METTL15: variants seen among roughly 807,000 people sequenced by gnomAD.
METTL15 encodes methyltransferase 15, mitochondrial 12S rRNA N4-cytidine.
In METTL15, 34 loss-of-function variants were observed where a neutral mutation model predicts 38.3. The ratio of observed to expected loss-of-function variants is 0.89; its 90% confidence interval spans 0.68 to 1.18. The LOEUF (loss-of-function observed/expected upper bound fraction) is 1.18, where lower values mean the gene tolerates loss of function less well. METTL15 is among the 50% of genes most tolerant of loss of function. The pLI is 0.00. For missense variants in METTL15, 438 were observed against 498.4 expected, an observed-to-expected ratio of 0.88 and a Z score of 1.15; for synonymous variants, 162 against 170.9, an observed-to-expected ratio of 0.95 and a Z score of 0.41.
intron 6 of METTL15, among the ~76,000 whole-genome samples, chr11:28,453,262 T>C (rs1178725865): frequency 6.6e-6 from 1 of 152,200 alleles, no homozygotes; most frequent in Admixed American, 6.5e-5. Flanking sequence ...GAGAACAGCA[T>C]CCTCCGGCTC....
chr11:28,269,756 T>C (rs994267454), intron 4 of METTL15, among the ~76,000 whole-genome samples: 45 of 152,194 alleles, frequency 3.0e-4, no homozygotes, highest in Non-Finnish European at 5.3e-4. Flanking sequence ...GCTTTGACTG[T>C]TTTTCCCCTG....
At chr11:28,504,082 C>A (rs1357532882) in intron 6 of METTL15, among the ~76,000 whole-genome samples, 1 of 151,022 alleles carries the variant, frequency 6.6e-6, no homozygotes, top group Non-Finnish European at 1.5e-5. Flanking sequence ...CCTGTAATCC[C>A]AGCTACTTAG....
chr11:28,467,302 G>C (rs564321670), intron 6 of METTL15, among the ~76,000 whole-genome samples: 15 of 152,256 alleles, frequency 9.9e-5, no homozygotes, highest in Admixed American at 9.8e-4. Context: ...AACGATTTTG[G>C]TGTTTCAGTA....
chr11:28,218,781 T>G (rs942583957), intron 4 of METTL15, among the ~76,000 whole-genome samples: 3 of 152,148 alleles, frequency 2.0e-5, no homozygotes, highest in African/African-American at 7.2e-5. Flanking sequence ...GCTGTTGAAT[T>G]TTTTCAAAGG....
intron 6 of METTL15, among the ~76,000 whole-genome samples, chr11:28,505,415 T>C (rs1464237668): frequency 1.3e-5 from 2 of 152,216 alleles, no homozygotes; most frequent in East Asian, 3.9e-4. Context: ...AGTTTCCTGC[T>C]GCTTTTCTTT....
At chr11:28,253,995 C>A (rs556837853) in intron 4 of METTL15, among the ~76,000 whole-genome samples, 3 of 152,198 alleles carry the variant, frequency 2.0e-5, no homozygotes, top group South Asian at 2.1e-4. Context: ...TGGGTATATA[C>A]CCAGCAGTGA....
At chr11:28,523,019 G>A (rs1465528045) in intron 6 of METTL15, among the ~76,000 whole-genome samples, 2 of 152,198 alleles carry the variant, frequency 1.3e-5, no homozygotes, top group Non-Finnish European at 2.9e-5. Flanking sequence ...TGAATACAAT[G>A]GATGCGGTTC....
At chr11:28,327,329 TA>T (rs1446389827) in intron 6 of METTL15, among the ~76,000 whole-genome samples, 1 of 152,236 alleles carries the variant, frequency 6.6e-6, no homozygotes, top group Non-Finnish European at 1.5e-5. Flanking sequence ...CTATTATCTT[TA>T]AGACCATCTA....
At chr11:28,238,660 AC>A (rs1262276799) in intron 4 of METTL15, among the ~76,000 whole-genome samples, 1 of 152,150 alleles carries the variant, frequency 6.6e-6, no homozygotes, top group Non-Finnish European at 1.5e-5. Flanking sequence ...TGAACCCGGT[AC>A]CTCAGATGGA....
intron 3 of METTL15, among the ~76,000 whole-genome samples, chr11:28,209,838 C>T (rs545441842): frequency 6.6e-6 from 1 of 151,892 alleles, no homozygotes; most frequent in East Asian, 1.9e-4. Context: ...AGGAATTTCC[C>T]TTGTTATGTA....
intron 3 of METTL15, among the ~76,000 whole-genome samples, chr11:28,157,555 C>T (rs1850305055): frequency 6.6e-6 from 1 of 152,130 alleles, no homozygotes; most frequent in African/African-American, 2.4e-5. Context: ...TGTTACTGGG[C>T]ATTGGTGGAA....
chr11:28,519,579 G>T (rs960042010), intron 6 of METTL15, among the ~76,000 whole-genome samples: 4 of 151,620 alleles, frequency 2.6e-5, no homozygotes, highest in African/African-American at 9.7e-5. Flanking sequence ...AAGAACCTCA[G>T]AGATCATAAG....
intron 5 of METTL15, among the ~76,000 whole-genome samples, chr11:28,373,466 T>C (rs1464405995): frequency 6.6e-6 from 1 of 151,952 alleles, no homozygotes; most frequent in Non-Finnish European, 1.5e-5. Flanking sequence ...TTTGATGGGG[T>C]TGTTTTTTTC....
chr11:28,426,609 CT>C (rs1850867857), intron 6 of METTL15, among the ~76,000 whole-genome samples: 1 of 81,256 alleles, frequency 1.2e-5, no homozygotes, highest in African/African-American at 4.6e-5. Context: ...TTTTTTTTGA[CT>C]TTTTAGTAAT....
At chr11:28,503,945 C>T (rs1489234808) in intron 6 of METTL15, among the ~76,000 whole-genome samples, 1 of 151,830 alleles carries the variant, frequency 6.6e-6, no homozygotes, top group East Asian at 1.9e-4. Context: ...CCTATAATCC[C>T]AGCACTTTGG....
In METTL15 at chr11:28,162,580, T is replaced by C. The variant is rs762095404; in HGVS notation, c.271-48482T>C. Among the ~76,000 whole-genome samples the C allele has an allele frequency of 3.3e-5, 5 of 152,236 alleles. No individual in the cohort carries two copies. The South Asian group carries it at 8.3e-4, about 25-fold the overall frequency. ...ATGATGAGGTTACATCCTTATAAAA[T>C]CATCATAAGTTGAAGATGTCATAAG... On this transcript the variant is annotated intron_variant, in intron 3 of 6. Transcript: ENST00000407364.
At chr11:28,214,505 T>A (rs1565172650) in intron 4 of METTL15, among the ~76,000 whole-genome samples, 1 of 152,192 alleles carries the variant, frequency 6.6e-6, no homozygotes, top group Non-Finnish European at 1.5e-5. Flanking sequence ...GATGAGATGT[T>A]CCGTGTCAGG....
chr11:28,337,983 C>T (rs974117870), downstream of METTL15, among the ~76,000 whole-genome samples: 22 of 152,082 alleles, frequency 1.4e-4, no homozygotes, highest in African/African-American at 4.8e-4. Context: ...CTCTAATTCC[C>T]ACCCCCTTAA....
At chr11:28,185,556 A>G (rs2133792299) in intron 3 of METTL15, among the ~76,000 whole-genome samples, 1 of 151,542 alleles carries the variant, frequency 6.6e-6, no homozygotes, top group African/African-American at 2.4e-5. Flanking sequence ...TTTATTAGTG[A>G]TAGTTCAGGA....
Sources: allele counts gnomAD v4.1 joint callset (sites outside exome capture counted in the v4.1 genomes callset), GRCh38; gene constraint gnomAD v4.1.1; transcripts MANE v1.5; gene names NCBI Gene and HGNC (gene_info 2026-07-23, HGNC 2026-07-21).